Variants in CACNG2 observed in about 807,000 individuals in gnomAD.
CACNG2 encodes calcium voltage-gated channel auxiliary subunit gamma 2.
Under a neutral mutation model 25.9 loss-of-function variants are expected in CACNG2, and 3 were observed. That is an observed-to-expected ratio of 0.12 (90% CI 0.05 to 0.30). The LOEUF is 0.30. Ranked by LOEUF, CACNG2 falls within the 10% of genes least tolerant of loss-of-function variation. The pLI, the probability that CACNG2 is intolerant of heterozygous loss-of-function variation, is 1.00. For missense variants in CACNG2, 341 were observed against 432.5 expected (o/e 0.79, Z 1.88); for synonymous variants, 167 against 173.3 (o/e 0.96, Z 0.29).
chr22:36,666,387 G>A (rs1936874471), intron 1 of CACNG2, among the ~76,000 whole-genome samples: 1 of 151,832 alleles, frequency 6.6e-6, no homozygotes, highest in South Asian at 2.1e-4. Context: ...CAGCCTGGGT[G>A]ACAGAGTGAA....
intron 1 of CACNG2, among the ~76,000 whole-genome samples, chr22:36,620,759 C>G (rs532238971): frequency 9.8e-5 from 15 of 152,346 alleles, no homozygotes; most frequent in South Asian, 2.1e-4. Context: ...TCAGAGCATC[C>G]AGAGCCAATG....
chr22:36,701,769 A>G (rs1937414403), intron 1 of CACNG2, among the ~76,000 whole-genome samples: 1 of 152,192 alleles, frequency 6.6e-6, no homozygotes, highest in Non-Finnish European at 1.5e-5. Context: ...ACCTCGAGTG[A>G]TATGTGTGGC....
intron 1 of CACNG2, among the ~76,000 whole-genome samples, chr22:36,650,655 G>A (rs556939515): frequency 1.3e-5 from 2 of 152,292 alleles, no homozygotes; most frequent in East Asian, 1.9e-4. Context: ...AGGATTGCAG[G>A]TGTGACCCAC....
intron 1 of CACNG2, among the ~76,000 whole-genome samples, chr22:36,662,571 G>T (rs1936814725): frequency 6.6e-6 from 1 of 152,168 alleles, no homozygotes; most frequent in Non-Finnish European, 1.5e-5. Context: ...CTCTGTGCCT[G>T]ACTCAGCTGT....
intron 1 of CACNG2, among the ~76,000 whole-genome samples, chr22:36,680,834 C>T (rs995230726): frequency 3.3e-5 from 5 of 149,988 alleles, no homozygotes; most frequent in Non-Finnish European, 5.9e-5. Flanking sequence ...CTGCCACCTG[C>T]ATCATGGTTA....
intron 1 of CACNG2, among the ~76,000 whole-genome samples, chr22:36,691,465 G>A (rs1184978324): frequency 2.6e-5 from 4 of 152,198 alleles, no homozygotes; most frequent in Non-Finnish European, 4.4e-5. Flanking sequence ...AGCTCAAAAT[G>A]CTGAAGACTT....
intron 1 of CACNG2, among the ~76,000 whole-genome samples, chr22:36,676,189 C>T (rs940417325): frequency 6.6e-6 from 1 of 152,214 alleles, no homozygotes; most frequent in African/African-American, 2.4e-5. Flanking sequence ...TATGGGTTTT[C>T]ACAGACACAT....
intron 2 of CACNG2, among the ~76,000 whole-genome samples, chr22:36,567,317 G>A (rs1466176315): frequency 2.6e-5 from 4 of 152,146 alleles, no homozygotes; most frequent in Admixed American, 6.5e-5. Flanking sequence ...ACCATGGGTC[G>A]TGAGACAAGG....
chr22:36,692,910 C>A (rs1284798536), intron 1 of CACNG2, among the ~76,000 whole-genome samples: 6 of 152,198 alleles, frequency 3.9e-5, no homozygotes, highest in Admixed American at 3.9e-4. Flanking sequence ...CTTTGGAAGG[C>A]CGAGGTGGGT....
In CACNG2 at chr22:36,653,561, A is replaced by G. The variant is rs531503030; in HGVS notation, c.211+48805T>C. ...TCAGGCACCTGCCTGGCTGCTCTGGACACCAGAGGCTGTGGTGTCCAGCCT... is the reference window on the plus strand; with the variant it reads ...TCAGGCACCTGCCTGGCTGCTCTGGGCACCAGAGGCTGTGGTGTCCAGCCT... On this transcript the variant is annotated intron_variant, in intron 1 of 3. Coordinates refer to ENST00000300105, the MANE Select transcript of CACNG2 (RefSeq NM_006078.5). Among the ~76,000 whole-genome samples the G allele has an allele frequency of 3.9e-5, 5 of 127,970 alleles. No homozygotes were observed. The South Asian group carries it at 1.0e-3, about 27-fold the overall frequency. The allele number at this position is 127,970 out of a possible 152,430, so 84.0% of individuals were successfully genotyped here.
At chr22:36,592,536 TG>T (rs2145925754) in intron 1 of CACNG2, among the ~76,000 whole-genome samples, 1 of 152,320 alleles carries the variant, frequency 6.6e-6, no homozygotes, top group Admixed American at 6.5e-5. Flanking sequence ...CATTCGCTGT[TG>T]TTTTCTATAT....
chr22:36,616,251 G>T (rs1936020534), intron 1 of CACNG2, among the ~76,000 whole-genome samples: 1 of 152,156 alleles, frequency 6.6e-6, no homozygotes, highest in Non-Finnish European at 1.5e-5. Context: ...TACATACTAA[G>T]AACTCTGTAA....
intron 1 of CACNG2, among the ~76,000 whole-genome samples, chr22:36,640,051 C>T (rs943458303): frequency 5.3e-5 from 8 of 152,286 alleles, no homozygotes; most frequent in Admixed American, 3.3e-4. Context: ...CAAAAGTGAG[C>T]AGCTCTTCAA....
intron 1 of CACNG2, among the ~76,000 whole-genome samples, chr22:36,610,290 A>G (rs1436212061): frequency 5.5e-5 from 8 of 145,902 alleles, no homozygotes; most frequent in African/African-American, 2.1e-4. Flanking sequence ...TTGGGCAGGA[A>G]TCAGCCGCTT....
At chr22:36,640,474 G>T (rs1325423188) in intron 1 of CACNG2, among the ~76,000 whole-genome samples, 1 of 152,220 alleles carries the variant, frequency 6.6e-6, no homozygotes, top group Non-Finnish European at 1.5e-5. Context: ...TGTGGCAGGG[G>T]CTAGGAGGCA....
At chr22:36,690,357 T>C (rs1228293363) in intron 1 of CACNG2, among the ~76,000 whole-genome samples, 1 of 82,048 alleles carries the variant, frequency 1.2e-5, no homozygotes, top group African/African-American at 4.0e-5. Context: ...CAAAAATCTT[T>C]TTTTTTCCCC....
chr22:36,578,453 G>A (rs1262769453), intron 2 of CACNG2, among the ~76,000 whole-genome samples: 2 of 152,154 alleles, frequency 1.3e-5, no homozygotes, highest in African/African-American at 2.4e-5. Context: ...TTCCACTGGG[G>A]CTCTGGGGAG....
At chr22:36,642,233 A>G (rs940916718) in intron 1 of CACNG2, among the ~76,000 whole-genome samples, 1 of 152,184 alleles carries the variant, frequency 6.6e-6, no homozygotes, top group South Asian at 2.1e-4. Context: ...ACACCCAATA[A>G]TTCTCTGGCC....
chr22:36,589,078 A>C (rs996189588), intron 1 of CACNG2, among the ~76,000 whole-genome samples: 2 of 147,774 alleles, frequency 1.4e-5, no homozygotes, highest in Admixed American at 6.9e-5. Flanking sequence ...GCAACCTCCA[A>C]CTCCCAAGTT....
Sources: allele counts gnomAD v4.1 joint callset (sites outside exome capture counted in the v4.1 genomes callset), GRCh38; gene constraint gnomAD v4.1.1; transcripts MANE v1.5; gene names NCBI Gene and HGNC (gene_info 2026-07-23, HGNC 2026-07-21).